SH3KBP1: variants seen among roughly 807,000 people sequenced by gnomAD.
SH3KBP1 encodes SH3 domain-containing kinase-binding protein 1.
SH3KBP1 carries 8 observed loss-of-function variants against 50.1 expected under a neutral mutation model. That is an observed-to-expected ratio of 0.16 (90% CI 0.09 to 0.29). SH3KBP1 has a LOEUF of 0.29. SH3KBP1 is among the 10% of genes least tolerant of loss of function. SH3KBP1 has a pLI of 1.00. For missense variants in SH3KBP1, 377 were observed against 535.2 expected, an observed-to-expected ratio of 0.70 and a Z score of 2.92; for synonymous variants, 227 against 218.6, an observed-to-expected ratio of 1.04 and a Z score of -0.34.
At chrX:19,887,285 G>T (rs2069622913) in intron 1 of SH3KBP1, 22 bp downstream of exon 1, 2 of 972,871 alleles carry the variant, frequency 2.1e-6, no homozygotes, top group Non-Finnish European at 2.6e-6. Flanking sequence ...TGGACGCCCG[G>T]ACGCGGGCGG....
intron 9 of SH3KBP1, among the ~76,000 whole-genome samples, chrX:19,605,034 G>A (rs1409923182): frequency 3.6e-5 from 4 of 111,102 alleles, no homozygotes; most frequent in Non-Finnish European, 5.7e-5. Flanking sequence ...CCCAAAGAGC[G>A]TGCCATGCCC....
Position 19,551,550 on chromosome X carries a change from C to CTTTTTTTTTTTTTTTTTTTTTTTTTTT in SH3KBP1, c.1385-1468_1385-1467insAAAAAAAAAAAAAAAAAAAAAAAAAAA, listed in dbSNP as rs397800260. Among the ~76,000 whole-genome samples the CTTTTTTTTTTTTTTTTTTTTTTTTTTT allele has an allele frequency of 3.7e-4, 35 of 95,132 alleles. 2 individuals carry two copies. The highest frequency in any genetic ancestry group is 1.4e-3 in the African/African-American group (33 of 23,218). 82.6% of individuals were successfully genotyped at this position (95,132 alleles called of 115,157 possible). On this transcript the variant is annotated intron_variant, in intron 13 of 17. Coordinates refer to ENST00000397821, the MANE Select transcript of SH3KBP1 (RefSeq NM_031892.3). ...CTTTCTTTTCTTTCCCTCCCTCCCT[C>CTTTTTTTTTTTTTTTTTTTTTTTTTTT]TTTTTTTTTTTTTTGACAGGGTCTT...
intron 13 of SH3KBP1, among the ~76,000 whole-genome samples, chrX:19,553,930 TATATA>T (rs1348208285): frequency 9.4e-5 from 4 of 42,615 alleles, no homozygotes; most frequent in African/African-American, 3.1e-4. Flanking sequence ...AATATTAAAA[TATATA>T]ATATATAATA....
intron 6 of SH3KBP1, among the ~76,000 whole-genome samples, chrX:19,676,320 A>C (rs769317744): frequency 9.2e-6 from 1 of 109,039 alleles, no homozygotes; most frequent in East Asian, 2.9e-4. Flanking sequence ...CAGCTTAATA[A>C]ATTTTTACTA....
intron 13 of SH3KBP1, among the ~76,000 whole-genome samples, chrX:19,554,701 T>C (rs2065436778): frequency 9.0e-6 from 1 of 111,677 alleles, no homozygotes. Flanking sequence ...TACACCCAGC[T>C]TAATGCACAT....
intron 2 of SH3KBP1, among the ~76,000 whole-genome samples, chrX:19,806,726 T>C (rs1221395619): frequency 1.8e-5 from 2 of 112,168 alleles, no homozygotes; most frequent in East Asian, 2.8e-4. Flanking sequence ...TTTTCATCTA[T>C]TTTAAGCACT....
chrX:19,700,440 C>A (rs190316947), intron 4 of SH3KBP1, among the ~76,000 whole-genome samples: 11 of 111,985 alleles, frequency 9.8e-5, no homozygotes, highest in Non-Finnish European at 1.7e-4. Flanking sequence ...GTAGCCAACA[C>A]CTCTATTAAC....
chrX:19,697,587 T>C (rs1028816773), intron 4 of SH3KBP1, among the ~76,000 whole-genome samples: 1 of 111,978 alleles, frequency 8.9e-6, no homozygotes, highest in Admixed American at 9.5e-5. Context: ...TCTACCAAGA[T>C]AGAAAGGTAT....
intron 3 of SH3KBP1, among the ~76,000 whole-genome samples, chrX:19,734,791 T>G (rs1254259172): frequency 1.8e-5 from 2 of 112,208 alleles, no homozygotes; most frequent in Non-Finnish European, 3.8e-5. Flanking sequence ...ATGCGGTCTT[T>G]TGTGACTGGC....
At chrX:19,714,102 C>T (rs1402995393) in intron 3 of SH3KBP1, among the ~76,000 whole-genome samples, 1 of 111,681 alleles carries the variant, frequency 9.0e-6, no homozygotes, top group Non-Finnish European at 1.9e-5. Context: ...AGACAAACAT[C>T]GCACGTTCTC....
At chrX:19,632,489 A>G (rs907455716) in intron 7 of SH3KBP1, among the ~76,000 whole-genome samples, 11 of 112,878 alleles carry the variant, frequency 9.7e-5, no homozygotes, top group African/African-American at 3.2e-4. Flanking sequence ...ATGTAAGCAC[A>G]TGCCAACCAT....
intron 1 of SH3KBP1, among the ~76,000 whole-genome samples, chrX:19,876,428 A>G (rs2069254187): frequency 9.0e-6 from 1 of 111,716 alleles, no homozygotes; most frequent in South Asian, 3.7e-4. Context: ...GTTTCTGTCA[A>G]TTAATAACCC....
At chrX:19,687,458 T>C (rs2063191416) in intron 5 of SH3KBP1, among the ~76,000 whole-genome samples, 1 of 112,452 alleles carries the variant, frequency 8.9e-6, no homozygotes, top group Non-Finnish European at 1.9e-5. Flanking sequence ...ACCAAGGAGA[T>C]GGCACTTACT....
At chrX:19,769,789 T>C (rs2065733040) in intron 2 of SH3KBP1, among the ~76,000 whole-genome samples, 1 of 111,292 alleles carries the variant, frequency 9.0e-6, no homozygotes, top group South Asian at 3.7e-4. Flanking sequence ...ATAAGTCATC[T>C]AGTATCACAG....
chrX:19,565,216 C>G (rs2065809820), intron 13 of SH3KBP1, among the ~76,000 whole-genome samples: 1 of 108,973 alleles, frequency 9.2e-6, no homozygotes, highest in Non-Finnish European at 1.9e-5. Flanking sequence ...CGCCTACCAC[C>G]ACACCCAGCT....
intron 3 of SH3KBP1, among the ~76,000 whole-genome samples, chrX:19,719,880 CAAT>C (rs763492303): frequency 8.2e-5 from 8 of 97,258 alleles, no homozygotes; most frequent in African/African-American, 1.9e-4. Flanking sequence ...ATAATAATAA[CAAT>C]AATAATAATA....
At chrX:19,586,430 A>G (rs1026103607) in intron 12 of SH3KBP1, among the ~76,000 whole-genome samples, 1 of 112,394 alleles carries the variant, frequency 8.9e-6, no homozygotes, top group Non-Finnish European at 1.9e-5. Flanking sequence ...GCTGCTCCAC[A>G]TCTTCCCCAT....
intron 7 of SH3KBP1, among the ~76,000 whole-genome samples, chrX:19,635,780 C>T (rs1034893415): frequency 2.7e-5 from 3 of 110,736 alleles, no homozygotes; most frequent in African/African-American, 9.9e-5. Flanking sequence ...CCCCTCCTGT[C>T]CCTGCATGGA....
intron 1 of SH3KBP1, among the ~76,000 whole-genome samples, chrX:19,886,750 G>A (rs936038560): frequency 9.1e-6 from 1 of 110,407 alleles, no homozygotes; most frequent in African/African-American, 3.3e-5. Context: ...GGAGCGTCAG[G>A]TGCTCTGGAC....
Sources: allele counts gnomAD v4.1 joint callset (sites outside exome capture counted in the v4.1 genomes callset), GRCh38; gene constraint gnomAD v4.1.1; transcripts MANE v1.5; gene names NCBI Gene and HGNC (gene_info 2026-07-23, HGNC 2026-07-21).